SYN3: variants seen among roughly 807,000 people sequenced by gnomAD.
SYN3 encodes synapsin-3.
A neutral mutation model predicts 65.8 loss-of-function variants in SYN3; 35 were observed. That is an observed-to-expected ratio of 0.53 (90% confidence interval 0.41 to 0.70). SYN3 has a LOEUF of 0.70. Ranked by LOEUF, SYN3 falls within the 30% of genes least tolerant of loss-of-function variation. The pLI is 0.00. For synonymous variants in SYN3, 270 were observed against 292.9 expected (o/e 0.92, Z 0.80); for missense variants, 680 against 749.0 (o/e 0.91, Z 1.08).
At chr22:32,865,059 A>C in intron 5 of SYN3, 55 bp from the exon 6 acceptor site, 1 of 1,436,140 alleles carries the variant, frequency 7.0e-7, no homozygotes. Context: ...GTATAACAAA[A>C]CCTCCCACTT....
intron 4 of SYN3, among the ~76,000 whole-genome samples, chr22:32,900,672 C>A (rs923193859): frequency 2.0e-5 from 3 of 152,224 alleles, no homozygotes; most frequent in Non-Finnish European, 4.4e-5. Flanking sequence ...ATACTCCTCA[C>A]TTCATCCCCA....
intron 6 of SYN3, among the ~76,000 whole-genome samples, chr22:32,807,301 TATATAA>T: frequency 1.6e-5 from 2 of 128,380 alleles, no homozygotes; most frequent in Admixed American, 9.9e-5. Context: ...AGGATATATA[TATATAA>T]ATATATAATA....
intron 6 of SYN3, among the ~76,000 whole-genome samples, chr22:32,839,762 C>T (rs894694932): frequency 1.3e-5 from 2 of 152,216 alleles, no homozygotes. Context: ...TGCCCCTTAA[C>T]ACATGAAGGC....
chr22:33,050,479 C>CAAAAAAAAAA (rs58653594), intron 1 of SYN3, among the ~76,000 whole-genome samples: 1 of 108,522 alleles, frequency 9.2e-6, no homozygotes, highest in Non-Finnish European at 1.8e-5. Flanking sequence ...GAGACTGTTT[C>CAAAAAAAAAA]AAAAAAAAAA....
chr22:32,906,161 C>T (rs1363914389), intron 4 of SYN3, among the ~76,000 whole-genome samples: 2 of 152,172 alleles, frequency 1.3e-5, no homozygotes, highest in Admixed American at 1.3e-4. Context: ...AGGCGCACGA[C>T]CTGGAAGAGA....
intron 6 of SYN3, among the ~76,000 whole-genome samples, chr22:32,653,994 A>G (rs985754385): frequency 6.6e-6 from 1 of 152,148 alleles, no homozygotes; most frequent in African/African-American, 2.4e-5. Context: ...CCTTGACCCC[A>G]ACACGTTCTC....
At chr22:32,829,233 C>A (rs767591427) in intron 6 of SYN3, among the ~76,000 whole-genome samples, 1 of 152,328 alleles carries the variant, frequency 6.6e-6, no homozygotes, top group East Asian at 1.9e-4. Context: ...ATTACTGATA[C>A]CCTCTTTGAT....
At position 32,736,823 on chromosome 22, in the gene SYN3, T is replaced by C. The variant is rs116667221; in HGVS notation, c.711+128092A>G. Among the ~76,000 whole-genome samples the C allele has an allele frequency of 3.1e-3, 472 of 152,292 alleles. 4 individuals carry two copies. Among genetic ancestry groups the C allele is most frequent in the African/African-American group, 0.011 (448 of 41,558 alleles). On this transcript the variant is annotated intron_variant, in intron 6 of 13. Transcript: ENST00000358763. ...AAGGGCTCAGATTCCTAGCATATCA[T>C]GTGACTTCCTTTAAAACGGGCCTAA...
intron 3 of SYN3, among the ~76,000 whole-genome samples, chr22:32,949,973 T>A (rs989317798): frequency 3.3e-5 from 5 of 152,048 alleles, no homozygotes; most frequent in Admixed American, 3.3e-4. Flanking sequence ...TTGTCCAGAG[T>A]TCCTGAGAAA....
At chr22:32,667,457 T>C (rs2060303950) in intron 6 of SYN3, among the ~76,000 whole-genome samples, 2 of 152,164 alleles carry the variant, frequency 1.3e-5, no homozygotes, top group Admixed American at 1.3e-4. Flanking sequence ...AGTACTAAAG[T>C]TTATTAAACC....
chr22:32,805,996 T>C (rs1362409592), intron 6 of SYN3, among the ~76,000 whole-genome samples: 1 of 151,918 alleles, frequency 6.6e-6, no homozygotes, highest in Non-Finnish European at 1.5e-5. Context: ...GTTCTTTGGC[T>C]ATTAGATCTG....
chr22:32,536,915 T>A (rs1313911879), intron 9 of SYN3, among the ~76,000 whole-genome samples: 1 of 152,202 alleles, frequency 6.6e-6, no homozygotes, highest in Non-Finnish European at 1.5e-5. Flanking sequence ...GTTTGTGTGG[T>A]AGCCCTTGCA....
intron 6 of SYN3, among the ~76,000 whole-genome samples, chr22:32,650,897 T>G (rs1248794443): frequency 6.6e-6 from 1 of 152,220 alleles, no homozygotes; most frequent in African/African-American, 2.4e-5. Flanking sequence ...GATATGAATT[T>G]TATTTTATTA....
intron 6 of SYN3, among the ~76,000 whole-genome samples, chr22:32,847,687 ATG>A (rs561103406): frequency 9.2e-5 from 14 of 151,982 alleles, no homozygotes; most frequent in African/African-American, 2.4e-4. Context: ...AGCTACCAAA[ATG>A]TGTGTGTGTG....
intron 6 of SYN3, among the ~76,000 whole-genome samples, chr22:32,679,839 CTTTTTTTT>C (rs747116076): frequency 2.6e-5 from 1 of 39,150 alleles, no homozygotes; most frequent in South Asian, 1.4e-3. Context: ...TGTTTTTTGG[CTTTTTTTT>C]TTTTTTTTTT....
intron 6 of SYN3, among the ~76,000 whole-genome samples, chr22:32,806,659 A>G (rs1228726441): frequency 6.6e-6 from 1 of 152,230 alleles, no homozygotes; most frequent in East Asian, 1.9e-4. Flanking sequence ...AAGGGGAATA[A>G]CAATTTGTAC....
chr22:32,722,737 C>T lies in SYN3; in HGVS notation c.712-126001G>A, dbSNP rs140584581. On this transcript the variant is annotated intron_variant, in intron 6 of 13. Coordinates refer to ENST00000358763, the MANE Select transcript of SYN3 (RefSeq NM_003490.4). ...ACTCAAGGCTGCTAAGAAGTCACTG[C>T]CAGTCCCCCAAACCCTATCTCTAGG... Among the ~76,000 whole-genome samples, 381 of 152,294 alleles carry T rather than the reference C, an allele frequency of 2.5e-3. 2 individuals carry two copies. Among genetic ancestry groups the T allele is most frequent in the African/African-American group, 8.4e-3 (349 of 41,562 alleles).
intron 6 of SYN3, among the ~76,000 whole-genome samples, chr22:32,852,390 A>C (rs964299091): frequency 6.6e-6 from 1 of 152,222 alleles, no homozygotes; most frequent in African/African-American, 2.4e-5. Flanking sequence ...ATCATCCAGC[A>C]GTGTAGGGCT....
chr22:32,590,300 A>G (rs192997265), intron 7 of SYN3, among the ~76,000 whole-genome samples: 10 of 152,380 alleles, frequency 6.6e-5, no homozygotes, highest in Admixed American at 1.3e-4. Flanking sequence ...AACTATAGAA[A>G]TAGGCAATCT....
Sources: gnomAD v4.1 joint callset for allele counts (sites outside exome capture counted in the v4.1 genomes callset) on GRCh38, gnomAD v4.1.1 for gene constraint, MANE v1.5 for transcripts, NCBI Gene and HGNC (gene_info 2026-07-23, HGNC 2026-07-21) for gene names.